ACAP2: variants seen among roughly 807,000 people sequenced by gnomAD.
The protein encoded by ACAP2 is arf-GAP with coiled-coil, ANK repeat and PH domain-containing protein 2.
A neutral mutation model predicts 115.8 loss-of-function variants in ACAP2; 39 were observed. The observed-to-expected ratio is 0.34, with a 90% CI of 0.26 to 0.44. The LOEUF is 0.44. Ranked by LOEUF, ACAP2 falls within the 20% of genes least tolerant of loss-of-function variation. The pLI is 1.00. For missense variants in ACAP2, 662 were observed against 927.6 expected (o/e 0.71, Z 3.72); for synonymous variants, 289 against 315.8 (o/e 0.92, Z 0.90).
intron 4 of ACAP2, 110 bp from the exon 5 acceptor site, chr3:195,345,427 T>C: frequency 3.0e-6 from 2 of 666,706 alleles, no homozygotes; most frequent in Admixed American, 2.8e-5. Flanking sequence ...TAATACCGTC[T>C]ATATCTCTTC....
chr3:195,288,753 G>A (rs377755454), intron 21 of ACAP2, among the ~76,000 whole-genome samples: 1 of 152,142 alleles, frequency 6.6e-6, no homozygotes, highest in Non-Finnish European at 1.5e-5. Flanking sequence ...AGCGACTAGG[G>A]AGGCTGAGGC....
At chr3:195,355,590 A>G (rs1376316385) in intron 4 of ACAP2, among the ~76,000 whole-genome samples, 2 of 152,238 alleles carry the variant, frequency 1.3e-5, no homozygotes, top group African/African-American at 4.8e-5. Context: ...AAATGAACTT[A>G]CAAAAGTGCA....
At chr3:195,403,927 C>T (rs1272068344) in intron 1 of ACAP2, among the ~76,000 whole-genome samples, 1 of 152,048 alleles carries the variant, frequency 6.6e-6, no homozygotes, top group Non-Finnish European at 1.5e-5. Context: ...TTAGACTGGA[C>T]ATTATTAAAA....
intron 4 of ACAP2, among the ~76,000 whole-genome samples, chr3:195,367,804 G>A (rs191887487): frequency 4.6e-4 from 70 of 152,230 alleles, no homozygotes; most frequent in Middle Eastern, 3.4e-3. Flanking sequence ...AAGGGTGAAA[G>A]AAGCTCAGCC....
At chr3:195,361,454 A>T (rs1202358373) in intron 4 of ACAP2, among the ~76,000 whole-genome samples, 1 of 151,864 alleles carries the variant, frequency 6.6e-6, no homozygotes, top group Non-Finnish European at 1.5e-5. Context: ...AAAGAAAAGA[A>T]ACTAAAAAAT....
intron 4 of ACAP2, among the ~76,000 whole-genome samples, chr3:195,351,441 C>CGT (rs56049053): frequency 0.03 from 3,930 of 129,958 alleles, 67 homozygotes; most frequent in South Asian, 0.05. Context: ...TTTTCTTTTT[C>CGT]GTGTGTGTGT....
intron 22 of ACAP2, among the ~76,000 whole-genome samples, chr3:195,280,033 G>T (rs1306658041): frequency 6.7e-6 from 1 of 149,468 alleles, no homozygotes; most frequent in Non-Finnish European, 1.5e-5. Flanking sequence ...CTAGCTGGGT[G>T]CAGTGCCTCA....
chr3:195,291,467 C>G (rs1028559287), intron 20 of ACAP2, among the ~76,000 whole-genome samples: 2 of 152,156 alleles, frequency 1.3e-5, no homozygotes, highest in African/African-American at 4.8e-5. Context: ...TAAAACTGAT[C>G]TATTTAATGA....
intron 10 of ACAP2, among the ~76,000 whole-genome samples, chr3:195,314,416 T>C (rs1034234648): frequency 1.3e-5 from 2 of 152,054 alleles, no homozygotes; most frequent in African/African-American, 4.8e-5. Flanking sequence ...TACAGATGCG[T>C]GCCACCATGA....
chr3:195,319,772 G>A (rs1443953954), intron 10 of ACAP2, among the ~76,000 whole-genome samples: 1 of 152,186 alleles, frequency 6.6e-6, no homozygotes, highest in Non-Finnish European at 1.5e-5. Flanking sequence ...TGAGACTGTG[G>A]ACTTGGACTT....
chr3:195,299,335 C>T (rs571616458), intron 15 of ACAP2, among the ~76,000 whole-genome samples: 117 of 151,552 alleles, frequency 7.7e-4, no homozygotes, highest in African/African-American at 2.8e-3. Flanking sequence ...TTTGGGAGGC[C>T]GAGGCAGGCA....
intron 1 of ACAP2, among the ~76,000 whole-genome samples, chr3:195,419,953 T>C (rs1714038649): frequency 6.6e-6 from 1 of 152,218 alleles, no homozygotes; most frequent in African/African-American, 2.4e-5. Flanking sequence ...ATTGTCCTCA[T>C]TGCTCTTATT....
At chr3:195,382,703 CT>C (rs1734031501) in intron 2 of ACAP2, among the ~76,000 whole-genome samples, 1 of 152,000 alleles carries the variant, frequency 6.6e-6, no homozygotes, top group South Asian at 2.1e-4. Context: ...CCAAGAAAAA[CT>C]TTAGAAAACT....
At chr3:195,425,026 C>CAAAAAAAAAAAAA (rs10690317) in intron 1 of ACAP2, among the ~76,000 whole-genome samples, 9 of 26,654 alleles carry the variant, frequency 3.4e-4, no homozygotes, top group Non-Finnish European at 3.7e-4. Flanking sequence ...GACTCCGTCT[C>CAAAAAAAAAAAAA]AAAAAAAAAA....
rs112388729 is a variant in ACAP2 at position 195,318,204 on chromosome 3, C to T, written c.857+2497G>A. Among the ~76,000 whole-genome samples the T allele has an allele frequency of 4.1e-4, 63 of 152,328 alleles. No homozygotes were observed. In the Middle Eastern group the frequency reaches 0.017, roughly 41 times the overall value. On this transcript the variant is annotated intron_variant, in intron 10 of 22. Coordinates refer to ENST00000326793, the MANE Select transcript of ACAP2 (RefSeq NM_012287.6). Reference sequence around the variant, plus strand: ...ACTGTGAGTCAATTAAAACTCCTTTCTTTATAAATTACCCAGTCTCAGGTA... The same window carrying T: ...ACTGTGAGTCAATTAAAACTCCTTTTTTTATAAATTACCCAGTCTCAGGTA...
At chr3:195,342,420 C>T in intron 6 of ACAP2, 51 bp downstream of exon 6, 2 of 1,490,650 alleles carry the variant, frequency 1.3e-6, no homozygotes, top group Non-Finnish European at 1.8e-6. Flanking sequence ...AAAGTAACAA[C>T]CTGTTTAAGT....
At chr3:195,380,864 T>C (rs1025586267) in intron 4 of ACAP2, 145 bp downstream of exon 4, 3 of 685,440 alleles carry the variant, frequency 4.4e-6, no homozygotes, top group African/African-American at 1.8e-5. Flanking sequence ...ACACACAGCG[T>C]ACATTTTAGA....
intron 4 of ACAP2, among the ~76,000 whole-genome samples, chr3:195,368,513 C>T (rs1361901461): frequency 6.6e-6 from 1 of 152,096 alleles, no homozygotes; most frequent in Non-Finnish European, 1.5e-5. Context: ...CTCCTGCATT[C>T]CCATTTGAAT....
chr3:195,308,468 T>C (rs949574679), intron 11 of ACAP2, among the ~76,000 whole-genome samples: 2 of 152,190 alleles, frequency 1.3e-5, no homozygotes, highest in African/African-American at 4.8e-5. Context: ...AGTATCAAAA[T>C]AGCACATGTA....
Sources: gnomAD v4.1 joint callset for allele counts (sites outside exome capture counted in the v4.1 genomes callset) on GRCh38, gnomAD v4.1.1 for gene constraint, MANE v1.5 for transcripts, NCBI Gene and HGNC (gene_info 2026-07-23, HGNC 2026-07-21) for gene names.